The following VPS13D variants were observed in gnomAD, a reference collection of about 807,000 sequenced individuals.
The protein encoded by VPS13D is intermembrane lipid transfer protein VPS13D.
Under a neutral mutation model 461.9 loss-of-function variants are expected in VPS13D, and 187 were observed. The ratio of observed to expected loss-of-function variants is 0.40; its 90% CI spans 0.36 to 0.46. The LOEUF is 0.46. Ranked by LOEUF, VPS13D falls within the 20% of genes least tolerant of loss-of-function variation. VPS13D has a pLI of 0.60. For missense variants in VPS13D, 4,711 were observed against 5,364.9 expected (o/e 0.88, Z 3.81); for synonymous variants, 1,951 against 1,986.3 (o/e 0.98, Z 0.47).
rs543817007 is a variant in VPS13D, at chr1:12,290,477, T to C, written c.5726-521T>C. Among the ~76,000 whole-genome samples the C allele has an allele frequency of 5.4e-3, 818 of 152,122 alleles. 1 individual carries two copies. The highest frequency in any genetic ancestry group is 7.0e-3 in the Non-Finnish European group (479 of 67,978). ...GTGGCTCACACCTGTAATCCTAGCA[T>C]TTTGGGAGGCCAAGGCGGGCGGATC... is the stretch of plus-strand genomic sequence containing the variant. On this transcript the variant is annotated intron_variant, in intron 22 of 69. Coordinates refer to ENST00000620676, the MANE Select transcript of VPS13D (RefSeq NM_015378.4).
intron 5 of VPS13D, among the ~76,000 whole-genome samples, chr1:12,247,043 A>G (rs558069327): frequency 1.3e-5 from 2 of 152,278 alleles, no homozygotes; most frequent in South Asian, 4.1e-4. Flanking sequence ...CTTTTTGAGG[A>G]ACTACCAAAC....
intron 60 of VPS13D, among the ~76,000 whole-genome samples, chr1:12,396,436 T>C (rs1046012294): frequency 1.3e-5 from 2 of 152,228 alleles, no homozygotes; most frequent in Non-Finnish European, 2.9e-5. Flanking sequence ...GGCAGAGTAC[T>C]GTTAGTGTGC....
At chr1:12,260,370 C>T (rs1641070297) in intron 10 of VPS13D, among the ~76,000 whole-genome samples, 1 of 152,152 alleles carries the variant, frequency 6.6e-6, no homozygotes, top group South Asian at 2.1e-4. Flanking sequence ...TCTTCGCTCC[C>T]TCTCCATTCA....
intron 65 of VPS13D, among the ~76,000 whole-genome samples, chr1:12,430,238 C>G (rs533059946): frequency 6.6e-6 from 1 of 152,266 alleles, no homozygotes; most frequent in South Asian, 2.1e-4. Context: ...ACCTTTGTAG[C>G]GTCCTCCTGT....
Position 12,356,382 on chromosome 1 carries a change from T to G in VPS13D, c.9872-16T>G. 1 of 1,609,058 alleles carries G rather than the reference T, an allele frequency of 6.2e-7. No homozygotes were observed. Among genetic ancestry groups the G allele is most frequent in the Non-Finnish European group, 8.5e-7 (1 of 1,177,768 alleles). On this transcript the variant is annotated splice_polypyrimidine_tract_variant and intron_variant, in intron 48 of 69. Transcript: ENST00000620676. ...ACTGGGTGGTATTGATGTAAACTTT[T>G]CTCTCCTTCCTAAAGGGTTGCCACT...
At chr1:12,319,777 C>T (rs1173855170) in intron 32 of VPS13D, 147 bp downstream of exon 32, 2 of 1,167,726 alleles carry the variant, frequency 1.7e-6, no homozygotes, top group Non-Finnish European at 1.2e-6. Flanking sequence ...TTGTTTTCTC[C>T]CCAAATCTAC....
chr1:12,437,990 T>C (rs963757115), intron 65 of VPS13D, among the ~76,000 whole-genome samples: 67 of 152,092 alleles, frequency 4.4e-4, no homozygotes, highest in Admixed American at 3.9e-3. Flanking sequence ...CCTGGGAAAA[T>C]ATCAGTCTGG....
At chr1:12,312,057 G>A in intron 29 of VPS13D, 132 bp downstream of exon 29, 7 of 539,378 alleles carry the variant, frequency 1.3e-5, no homozygotes, top group South Asian at 4.5e-5. Flanking sequence ...GTGTCTTTTG[G>A]TTGATCTACA....
At chr1:12,395,085 A>G (rs529652724) in intron 60 of VPS13D, among the ~76,000 whole-genome samples, 37 of 151,920 alleles carry the variant, frequency 2.4e-4, no homozygotes, top group Non-Finnish European at 4.7e-4. Flanking sequence ...TAGGTCTAGA[A>G]GCAAACAGGG....
Position 12,311,945 on chromosome 1 carries a change from A to G in VPS13D, c.6935+20A>G, listed in dbSNP as rs377054158. ...AGCCAGGTATGCCTTTGATTATATT[A>G]TTATACTGTTAGTAACAGTATCCAA... is the stretch of plus-strand genomic sequence containing the variant. On this transcript the variant is annotated intron_variant, in intron 29 of 69. Transcript: ENST00000620676. 1 of 1,583,764 alleles carries G rather than the reference A, an allele frequency of 6.3e-7. No homozygotes were observed. Among genetic ancestry groups the G allele is most frequent in the Admixed American group, 1.7e-5 (1 of 59,262 alleles).
At chr1:12,449,683 A>G (rs1465960562) in intron 65 of VPS13D, among the ~76,000 whole-genome samples, 2 of 152,216 alleles carry the variant, frequency 1.3e-5, no homozygotes, top group African/African-American at 2.4e-5. Flanking sequence ...TACATGACTC[A>G]AAGATGGTTT....
intron 27 of VPS13D, among the ~76,000 whole-genome samples, chr1:12,311,023 C>A (rs894999454): frequency 2.6e-5 from 4 of 151,956 alleles, no homozygotes; most frequent in Admixed American, 6.6e-5. Flanking sequence ...CTCAAGTGAA[C>A]CCCCACCTCA....
chr1:12,496,860 G>T (rs1378928126), intron 67 of VPS13D, among the ~76,000 whole-genome samples: 2 of 149,172 alleles, frequency 1.3e-5, no homozygotes, highest in Admixed American at 6.6e-5. Flanking sequence ...GCCTGGGCCA[G>T]GTCCAGGTCC....
At chr1:12,371,801 G>C (rs562879736) in intron 54 of VPS13D, among the ~76,000 whole-genome samples, 1 of 152,154 alleles carries the variant, frequency 6.6e-6, no homozygotes, top group East Asian at 1.9e-4. Flanking sequence ...TTGTTTCTGC[G>C]TTTTGGCTAT....
intron 68 of VPS13D, 92 bp downstream of exon 68, chr1:12,497,723 T>G: frequency 1.4e-6 from 2 of 1,447,560 alleles, no homozygotes; most frequent in Non-Finnish European, 1.8e-6. Flanking sequence ...TGAGTTATTT[T>G]CATGACTCTT....
intron 67 of VPS13D, among the ~76,000 whole-genome samples, chr1:12,466,011 T>C (rs1249537117): frequency 1.3e-5 from 2 of 152,094 alleles, no homozygotes; most frequent in Non-Finnish European, 2.9e-5. Context: ...GGTGCGCGCC[T>C]GTACTCCCAG....
chr1:12,447,893 T>C (rs1645213195), intron 65 of VPS13D, among the ~76,000 whole-genome samples: 1 of 152,230 alleles, frequency 6.6e-6, no homozygotes, highest in Non-Finnish European at 1.5e-5. Flanking sequence ...TTAATTGACA[T>C]ATTTATGCTT....
chr1:12,238,725 G>A (rs1640248337), intron 2 of VPS13D, among the ~76,000 whole-genome samples: 1 of 149,264 alleles, frequency 6.7e-6, no homozygotes, highest in Admixed American at 6.8e-5. Flanking sequence ...TCGAACTTTT[G>A]GCGATCCTGA....
intron 65 of VPS13D, among the ~76,000 whole-genome samples, chr1:12,455,221 A>C (rs1645310382): frequency 6.6e-6 from 1 of 152,202 alleles, no homozygotes; most frequent in Non-Finnish European, 1.5e-5. Context: ...TTGGCACCTC[A>C]TAGGTACTCA....
Sources: allele counts gnomAD v4.1 joint callset (sites outside exome capture counted in the v4.1 genomes callset), GRCh38; gene constraint gnomAD v4.1.1; transcripts MANE v1.5; gene names NCBI Gene and HGNC (gene_info 2026-07-23, HGNC 2026-07-21).